Variants in LRFN2 observed in about 807,000 individuals in gnomAD.
LRFN2 encodes the protein leucine-rich repeat and fibronectin type-III domain-containing protein 2.
Under a neutral mutation model 37.3 loss-of-function variants are expected in LRFN2, and 18 were observed. The ratio of observed to expected loss-of-function variants is 0.48; its 90% CI spans 0.33 to 0.72. The LOEUF (loss-of-function observed/expected upper bound fraction) is 0.72. Among genes scored for constraint, LRFN2 ranks in the 30% least tolerant of loss-of-function variants. The pLI is 0.02. For synonymous variants in LRFN2, 556 were observed against 466.6 expected, an observed-to-expected ratio of 1.19 and a Z score of -2.47; for missense variants, 1,006 against 1,060.7, an observed-to-expected ratio of 0.95 and a Z score of 0.72.
chr6:40,524,821 C>T (rs1405271637), intron 1 of LRFN2, among the ~76,000 whole-genome samples: 2 of 152,174 alleles, frequency 1.3e-5, no homozygotes, highest in African/African-American at 2.4e-5. Context: ...GAACCTCCAC[C>T]CCCTGACCTC....
chr6:40,541,560 G>T (rs1766555489), intron 1 of LRFN2, among the ~76,000 whole-genome samples: 1 of 152,174 alleles, frequency 6.6e-6, no homozygotes, highest in African/African-American at 2.4e-5. Context: ...GCAGACATCA[G>T]GGTGCTGATG....
At chr6:40,405,268 C>T (rs766615058) in intron 2 of LRFN2, among the ~76,000 whole-genome samples, 32 of 152,220 alleles carry the variant, frequency 2.1e-4, no homozygotes, top group Non-Finnish European at 4.0e-4. Context: ...CAGCAGGGTA[C>T]AGTGGATATG....
intron 1 of LRFN2, among the ~76,000 whole-genome samples, chr6:40,481,455 AAAG>A (rs1764830773): frequency 6.6e-6 from 1 of 150,392 alleles, no homozygotes; most frequent in South Asian, 2.1e-4. Context: ...AAAAAAAAAA[AAAG>A]AGAGAAAGAA....
At chr6:40,485,944 A>G (rs1031752080) in intron 1 of LRFN2, among the ~76,000 whole-genome samples, 5 of 152,248 alleles carry the variant, frequency 3.3e-5, no homozygotes, top group Non-Finnish European at 5.9e-5. Context: ...CAAGCTAGTT[A>G]CAACAGGGAC....
At chr6:40,531,664 A>G (rs1415631409) in intron 1 of LRFN2, among the ~76,000 whole-genome samples, 1 of 152,002 alleles carries the variant, frequency 6.6e-6, no homozygotes, top group Admixed American at 6.5e-5. Flanking sequence ...GTTTTTGTTT[A>G]TGAGGCCGAT....
intron 1 of LRFN2, among the ~76,000 whole-genome samples, chr6:40,521,956 G>A (rs748735231): frequency 1.2e-4 from 18 of 152,194 alleles, no homozygotes; most frequent in Non-Finnish European, 2.4e-4. Context: ...TTTCATTGGT[G>A]GAATGGGCTG....
At chr6:40,487,169 C>A (rs73732688) in intron 1 of LRFN2, among the ~76,000 whole-genome samples, 3,144 of 152,300 alleles carry the variant, frequency 0.021, 127 homozygotes, top group African/African-American at 0.07. Context: ...GGGTCCCCTT[C>A]CTCTCAGGCC....
chr6:40,429,518 G>A (rs888524131), intron 2 of LRFN2, among the ~76,000 whole-genome samples: 15 of 151,554 alleles, frequency 9.9e-5, no homozygotes, highest in African/African-American at 3.6e-4. Context: ...GCAAATTAAA[G>A]CAAGTGCCAT....
chr6:40,393,017 G>C (rs1320905640), intron 2 of LRFN2, 105 bp from the exon 3 acceptor site: 1 of 737,592 alleles, frequency 1.4e-6, no homozygotes. Flanking sequence ...TGGGGAGGGG[G>C]AGGGGAGGGA....
intron 1 of LRFN2, among the ~76,000 whole-genome samples, chr6:40,540,217 A>T (rs1468165092): frequency 6.6e-6 from 1 of 152,188 alleles, no homozygotes; most frequent in African/African-American, 2.4e-5. Flanking sequence ...TACTACTCAA[A>T]GTGTCACTGC....
intron 1 of LRFN2, among the ~76,000 whole-genome samples, chr6:40,460,170 C>T (rs7760576): frequency 0.84 from 127,340 of 152,102 alleles, 53,558 homozygotes; most frequent in Middle Eastern, 0.91. Flanking sequence ...GAGGCTCCTA[C>T]TGACAGCAGG....
At chr6:40,484,640 CT>C (rs1764911592) in intron 1 of LRFN2, among the ~76,000 whole-genome samples, 1 of 152,220 alleles carries the variant, frequency 6.6e-6, no homozygotes, top group African/African-American at 2.4e-5. Flanking sequence ...ACTCCCACCC[CT>C]GGGATCTATT....
intron 2 of LRFN2, among the ~76,000 whole-genome samples, chr6:40,402,076 G>A (rs1255097240): frequency 9.2e-5 from 14 of 152,096 alleles, no homozygotes; most frequent in Non-Finnish European, 1.3e-4. Flanking sequence ...CTCTCTTCCT[G>A]CGAGCCCCAA....
intron 1 of LRFN2, among the ~76,000 whole-genome samples, chr6:40,466,795 T>TGA (rs1259200419): frequency 1.3e-5 from 2 of 152,164 alleles, no homozygotes; most frequent in East Asian, 3.8e-4. Context: ...ATAAGTATGT[T>TGA]GAAATCCTAA....
chr6:40,451,644 C>T (rs556993632), intron 1 of LRFN2, among the ~76,000 whole-genome samples: 6 of 152,272 alleles, frequency 3.9e-5, no homozygotes, highest in African/African-American at 1.4e-4. Context: ...TCGGTGGTGC[C>T]GTGTGGATCC....
chr6:40,444,112 C>G (rs762999769), intron 1 of LRFN2, among the ~76,000 whole-genome samples: 1 of 152,132 alleles, frequency 6.6e-6, no homozygotes, highest in Non-Finnish European at 1.5e-5. Context: ...GTCAGCCTAC[C>G]CGGGCACAGA....
intron 1 of LRFN2, among the ~76,000 whole-genome samples, chr6:40,509,905 A>G (rs1294762219): frequency 6.7e-6 from 1 of 149,248 alleles, no homozygotes; most frequent in African/African-American, 2.5e-5. Flanking sequence ...GGGTGAGTGC[A>G]TGCATGCCAG....
intron 1 of LRFN2, among the ~76,000 whole-genome samples, chr6:40,575,752 A>G (rs1001619455): frequency 6.6e-6 from 1 of 151,814 alleles, no homozygotes; most frequent in Non-Finnish European, 1.5e-5. Context: ...AGCACGTGAC[A>G]GCATGCATCC....
At chr6:40,470,109 C>A (rs894612000) in intron 1 of LRFN2, among the ~76,000 whole-genome samples, 2 of 152,200 alleles carry the variant, frequency 1.3e-5, no homozygotes, top group African/African-American at 4.8e-5. Context: ...TCTGGGTCTG[C>A]TTTTCACCTG....
Sources: gnomAD v4.1 joint callset for allele counts (sites outside exome capture counted in the v4.1 genomes callset) on GRCh38, gnomAD v4.1.1 for gene constraint, MANE v1.5 for transcripts, NCBI Gene and HGNC (gene_info 2026-07-23, HGNC 2026-07-21) for gene names.